DAP: variants seen among roughly 807,000 people sequenced by gnomAD.
DAP encodes death-associated protein 1.
DAP carries 8 observed loss-of-function variants against 13.8 expected under a neutral mutation model. That is an observed-to-expected ratio of 0.58 (90% CI 0.34 to 1.05). The LOEUF (loss-of-function observed/expected upper bound fraction) is 1.05. DAP is among the 50% of genes least tolerant of loss of function. The probability of loss-of-function intolerance (pLI) is 0.03; values close to 1 mark genes in which losing one functional copy is unlikely to be tolerated. For missense variants in DAP, 106 were observed against 133.2 expected (o/e 0.80, Z 1.01); for synonymous variants, 47 against 47.5 (o/e 0.99, Z 0.04).
At chr5:10,699,643 A>G (rs1738516966) in intron 2 of DAP, among the ~76,000 whole-genome samples, 1 of 152,228 alleles carries the variant, frequency 6.6e-6, no homozygotes, top group Admixed American at 6.5e-5. Context: ...ATCCTCCATC[A>G]GGGATGAGAA....
chr5:10,728,320 C>T (rs2126664267), intron 2 of DAP, among the ~76,000 whole-genome samples: 1 of 152,168 alleles, frequency 6.6e-6, no homozygotes, highest in Middle Eastern at 3.4e-3. Flanking sequence ...CATTCATTTT[C>T]AGTCTGTATT....
At position 10,718,646 on chromosome 5, in the gene DAP, T is replaced by G. The variant is rs137857518; in HGVS notation, c.152+29529A>C. On this transcript the variant is annotated intron_variant, in intron 2 of 3. Transcript: ENST00000230895. ...GGAATAACAGTGGATTATCATAAGC[T>G]TAACCTAGTGGTGACTCTAAGTGCA... 8.1e-3 allele frequency among the ~76,000 whole-genome samples: 1,240 copies of G among 152,358 alleles called. 21 individuals are homozygous for G. Among genetic ancestry groups the G allele is most frequent in the African/African-American group, 0.027 (1,137 of 41,584 alleles).
intron 2 of DAP, among the ~76,000 whole-genome samples, chr5:10,742,457 A>G (rs934527616): frequency 3.9e-5 from 6 of 152,132 alleles, no homozygotes; most frequent in African/African-American, 1.4e-4. Context: ...AAACCGGAAG[A>G]CAGAGGTTGC....
At chr5:10,745,848 T>C (rs1739890562) in intron 2 of DAP, among the ~76,000 whole-genome samples, 1 of 152,174 alleles carries the variant, frequency 6.6e-6, no homozygotes, top group African/African-American at 2.4e-5. Context: ...AAACAGATGG[T>C]TATGAAGAAG....
intron 1 of DAP, among the ~76,000 whole-genome samples, chr5:10,751,392 C>T (rs1740042282): frequency 6.6e-6 from 1 of 152,174 alleles, no homozygotes; most frequent in South Asian, 2.1e-4. Context: ...AATTATCTAC[C>T]TACACCTTAG....
intron 2 of DAP, among the ~76,000 whole-genome samples, chr5:10,744,284 T>G (rs557945963): frequency 6.6e-6 from 1 of 152,296 alleles, no homozygotes; most frequent in East Asian, 1.9e-4. Context: ...GGATCAAAAT[T>G]AAAGAATATA....
intron 1 of DAP, among the ~76,000 whole-genome samples, chr5:10,754,018 G>C (rs957564359): frequency 3.3e-5 from 5 of 152,242 alleles, no homozygotes; most frequent in Admixed American, 6.5e-5. Flanking sequence ...GGGCTGGTGA[G>C]ATTAGGTGGG....
chr5:10,705,749 T>TC (rs1179704244), intron 2 of DAP, among the ~76,000 whole-genome samples: 1 of 152,204 alleles, frequency 6.6e-6, no homozygotes, highest in East Asian at 1.9e-4. Context: ...TAAGGTGCAG[T>TC]CATACCTTTG....
chr5:10,721,392 C>T (rs1739136845), intron 2 of DAP, among the ~76,000 whole-genome samples: 1 of 152,188 alleles, frequency 6.6e-6, no homozygotes, highest in African/African-American at 2.4e-5. Flanking sequence ...TTCCATTAAA[C>T]TTGAAGTTAA....
chr5:10,696,333 G>A lies in DAP; in HGVS notation c.153-12762C>T, dbSNP rs532660409. On this transcript the variant is annotated intron_variant, in intron 2 of 3. Coordinates refer to ENST00000230895, the MANE Select transcript of DAP (RefSeq NM_004394.3). Reference sequence around the variant, plus strand: ...TCCTGAAAGTGAGCCAGGGAATAGGGGGTGTGGCGGGGGGGAGGCTTCAGC... The same window carrying A: ...TCCTGAAAGTGAGCCAGGGAATAGGAGGTGTGGCGGGGGGGAGGCTTCAGC... Among the ~76,000 whole-genome samples, 3 of 152,312 alleles carry A rather than the reference G, an allele frequency of 2.0e-5. No individual in the cohort carries two copies. The South Asian group carries it at 6.2e-4, about 32-fold the overall frequency.
At chr5:10,743,711 T>G (rs1409161264) in intron 2 of DAP, among the ~76,000 whole-genome samples, 2 of 152,142 alleles carry the variant, frequency 1.3e-5, no homozygotes, top group Non-Finnish European at 2.9e-5. Flanking sequence ...CTTATGACAC[T>G]CGACAAAAGG....
intron 2 of DAP, among the ~76,000 whole-genome samples, chr5:10,684,310 G>A (rs1738104073): frequency 6.6e-6 from 1 of 152,128 alleles, no homozygotes; most frequent in South Asian, 2.1e-4. Flanking sequence ...CCTCACAGGG[G>A]AGATTCTAGA....
intron 2 of DAP, 24 bp from the exon 3 acceptor site, chr5:10,683,595 C>T: frequency 1.2e-6 from 2 of 1,612,466 alleles, no homozygotes; most frequent in Non-Finnish European, 1.7e-6. Context: ...AGGGAAAAGG[C>T]AGATTTAACA....
intron 2 of DAP, among the ~76,000 whole-genome samples, chr5:10,689,194 C>T (rs138709209): frequency 5.3e-5 from 8 of 152,288 alleles, no homozygotes; most frequent in East Asian, 3.9e-4. Flanking sequence ...AAAACACACA[C>T]GGAAGCTGAG....
intron 2 of DAP, among the ~76,000 whole-genome samples, chr5:10,736,778 C>T (rs146322592): frequency 2.6e-5 from 4 of 152,322 alleles, no homozygotes; most frequent in African/African-American, 9.6e-5. Context: ...CTATTTGTTA[C>T]TATTTTATGC....
At chr5:10,733,212 C>T (rs1173174323) in intron 2 of DAP, among the ~76,000 whole-genome samples, 4 of 127,472 alleles carry the variant, frequency 3.1e-5, no homozygotes, top group African/African-American at 8.8e-5. Flanking sequence ...GTGTGTATAC[C>T]CTACATTTTG....
chr5:10,753,838 C>T (rs1290819736), intron 1 of DAP, among the ~76,000 whole-genome samples: 1 of 152,148 alleles, frequency 6.6e-6, no homozygotes, highest in Non-Finnish European at 1.5e-5. Flanking sequence ...CTGAGAAGAG[C>T]TATGGAAATG....
rs538401044 is a variant in DAP at position 10,698,612 on chromosome 5, C to G, written c.153-15041G>C. Among the ~76,000 whole-genome samples the G allele has an allele frequency of 3.8e-4, 58 of 152,294 alleles. 1 individual carries two copies. The highest frequency in any genetic ancestry group is 6.8e-3 in the Middle Eastern group (2 of 294). On this transcript the variant is annotated intron_variant, in intron 2 of 3. Transcript: ENST00000230895. ...ATGCCCTGATCTCTAGTGACTGGGT[C>G]TCTCCTGGGTAAATTAATATTCAGG...
intron 1 of DAP, 59 bp downstream of exon 1, chr5:10,760,955 C>G (rs1440395743): frequency 3.6e-6 from 4 of 1,121,970 alleles, no homozygotes; most frequent in Non-Finnish European, 4.5e-6. Context: ...GCCCGGCGCC[C>G]CCGGGTTCGA....
Sources: gnomAD v4.1 joint callset for allele counts (sites outside exome capture counted in the v4.1 genomes callset) on GRCh38, gnomAD v4.1.1 for gene constraint, MANE v1.5 for transcripts, NCBI Gene and HGNC (gene_info 2026-07-23, HGNC 2026-07-21) for gene names.